The following SHANK1 variants were observed in gnomAD, a reference collection of about 807,000 sequenced individuals.
SHANK1 encodes the protein SH3 and multiple ankyrin repeat domains protein 1.
Under a neutral mutation model 165.6 loss-of-function variants are expected in SHANK1, and 35 were observed. The ratio of observed to expected loss-of-function variants is 0.21; its 90% CI spans 0.16 to 0.28. The LOEUF (loss-of-function observed/expected upper bound fraction) is 0.28, where lower values mean the gene tolerates loss of function less well. SHANK1 is among the 10% of genes least tolerant of loss of function. The pLI is 1.00. For missense variants in SHANK1, 2,681 were observed against 3,036.4 expected (o/e 0.88, Z 2.75); for synonymous variants, 1,428 against 1,384.8 (o/e 1.03, Z -0.69).
At chr19:50,676,232 G>A (rs1487004540) in intron 21 of SHANK1, among the ~76,000 whole-genome samples, 1 of 151,964 alleles carries the variant, frequency 6.6e-6, no homozygotes, top group African/African-American at 2.4e-5. Context: ...GAGCCCATGA[G>A]TTTGAGGCTG....
rs778038163 is a variant in SHANK1 at position 50,686,388 on chromosome 19, A to G, written c.2459-33T>C. On this transcript the variant is annotated intron_variant, in intron 20 of 23. Coordinates refer to ENST00000293441, the MANE Select transcript of SHANK1 (RefSeq NM_016148.5). This position sits in a 1 kb window ranked among gnomAD's most constrained non-coding sequence, Gnocchi z 5.7. ...TAGATGAATGAACAGAGGTGGGAAG[A>G]CAATGAAATGAAGTTTGCTTTGACC... 1.9e-5 allele frequency: 27 copies of G among 1,444,398 alleles called. No homozygotes were observed. In the South Asian group the frequency reaches 2.4e-4, roughly 13 times the overall value. The allele number at this position is 1,444,398 out of a possible 1,614,324, so 89.5% of individuals were successfully genotyped here. A position where few individuals can be genotyped will look rare whatever the true frequency, so the allele number is the denominator to read the frequency against.
rs556895841 is a variant in SHANK1 at position 50,713,684 on chromosome 19, G to A, written c.792+114C>T. 1.0e-5 allele frequency: 14 copies of A among 1,349,298 alleles called. No individual in the cohort carries two copies. The highest frequency in any genetic ancestry group is 7.6e-5 in the Admixed American group (4 of 52,832). 83.6% of individuals were successfully genotyped at this position (1,349,298 alleles called of 1,614,324 possible). On this transcript the variant is annotated intron_variant, in intron 6 of 23. Transcript: ENST00000293441. The surrounding 1 kb of genome is among the most constrained non-coding windows in gnomAD (Gnocchi z 6.2). ...GTCTATGGAAAGGGGCTTTGAACTG[G>A]GGACATGAGAGGGCCTATTTTTAAC...
chr19:50,697,451 G>T lies in SHANK1; in HGVS notation c.1937+138C>A. The stretch of plus-strand genomic sequence containing the variant: ...GCTGTACTGTCTGAAGCTAATTCTG[G>T]CTTATCCCACCCCTGGATCAAACTT... On this transcript the variant is annotated intron_variant, in intron 14 of 23. Transcript: ENST00000293441. This position sits in a 1 kb window ranked among gnomAD's most constrained non-coding sequence, Gnocchi z 4.7. 1.2e-6 allele frequency: 1 copy of T among 832,820 alleles called. No individual in the cohort carries two copies. Among genetic ancestry groups the T allele is most frequent in the Non-Finnish European group, 2.0e-6 (1 of 489,124 alleles). The allele number at this position is 832,820 out of a possible 1,614,324, so 51.6% of individuals were successfully genotyped here. A position where few individuals can be genotyped will look rare whatever the true frequency, so the allele number is the denominator to read the frequency against.
chr19:50,668,011 T>C lies in SHANK1; in HGVS notation c.3949A>G (p.Ser1317Gly), dbSNP rs753550210. The C allele has an allele frequency of 4.1e-6, 6 of 1,474,890 alleles. No individual in the cohort carries two copies. The South Asian group carries it at 6.4e-5, about 16-fold the overall frequency. 91.4% of individuals were successfully genotyped at this position (1,474,890 alleles called of 1,614,324 possible). Residue 1317 changes from serine (S) to glycine (G), a missense_variant, in exon 23 of 24, where the codon AGC becomes GGC. Coordinates refer to ENST00000293441, the MANE Select transcript of SHANK1 (RefSeq NM_016148.5). ...CCCCCGCCACCCCCGTAGGCTCGGC[T>C]ACCGGCCCCGTAGCCGCCGTAGCCC... is the stretch of plus-strand genomic sequence containing the variant. ...GAGYGGYGAG[S>G]RAYGGGGGSS... is the part of the protein sequence containing the mutation.
chr19:50,696,186 C>T (rs116257105), intron 15 of SHANK1, among the ~76,000 whole-genome samples: 360 of 152,294 alleles, frequency 2.4e-3, no homozygotes, highest in African/African-American at 7.4e-3. Context: ...GGACAAGTGA[C>T]CCCCACAGAC....
At chr19:50,704,375 G>A (rs1047941319) in intron 9 of SHANK1, 62 bp downstream of exon 9, 22 of 1,481,652 alleles carry the variant, frequency 1.5e-5, no homozygotes, top group Non-Finnish European at 2.1e-5. Context: ...TTATCCACTG[G>A]GTGTCACTGT....
At position 50,668,016 on chromosome 19, in the gene SHANK1, G is replaced by A. The variant is rs953580010; in HGVS notation, c.3944C>T (p.Ala1315Val). 33 of 1,475,684 alleles carry A rather than the reference G, an allele frequency of 2.2e-5. No individual in the cohort carries two copies. Among genetic ancestry groups the A allele is most frequent in the African/African-American group, 1.6e-4 (11 of 68,204 alleles). The allele number at this position is 1,475,684 out of a possible 1,614,324, so 91.4% of individuals were successfully genotyped here. Residue 1315 changes from alanine (A) to valine (V), a missense_variant, in exon 23 of 24, where the codon GCC becomes GTC. By Grantham distance (64) the Ala-to-Val change is moderately conservative (BLOSUM62 0). This residue lies in a region of SHANK1 where 1,713 missense variants were observed against 1,630.2 expected (regional missense o/e 1.05). Coordinates refer to ENST00000293441, the MANE Select transcript of SHANK1 (RefSeq NM_016148.5). ...GCCACCCCCGTAGGCTCGGCTACCG[G>A]CCCCGTAGCCGCCGTAGCCCGCGCC... ...GSGAGYGGYG[A>V]GSRAYGGGGG...
In SHANK1 at chr19:50,662,724, AG is replaced by A. The variant is rs769085671; in HGVS notation, c.5769-43del. On this transcript the variant is annotated intron_variant, in intron 23 of 23. Coordinates refer to ENST00000293441, the MANE Select transcript of SHANK1 (RefSeq NM_016148.5). This position sits in a 1 kb window ranked among gnomAD's most constrained non-coding sequence, Gnocchi z 7.7. The stretch of plus-strand genomic sequence containing the variant: ...GGGCAGTGGGGGAGGACAGGGATTT[AG>A]GGGGCAAGGGCAGGGGTGAGAAAGA... 1 of 1,313,344 alleles carries A rather than the reference AG, an allele frequency of 7.6e-7. No homozygotes were observed. Among genetic ancestry groups the A allele is most frequent in the Non-Finnish European group, 1.0e-6 (1 of 990,874 alleles). 81.4% of individuals were successfully genotyped at this position (1,313,344 alleles called of 1,614,324 possible). A position where few individuals can be genotyped will look rare whatever the true frequency, so the allele number is the denominator to read the frequency against.
intron 15 of SHANK1, among the ~76,000 whole-genome samples, chr19:50,693,117 C>T (rs1986594982): frequency 2.0e-5 from 3 of 151,756 alleles, no homozygotes; most frequent in East Asian, 1.9e-4. Flanking sequence ...CGACTCACTT[C>T]ACCACATGCC....
At position 50,670,669 on chromosome 19, in the gene SHANK1, C is replaced by T. The variant is rs1385472104; in HGVS notation, c.2674+1349G>A. On this transcript the variant is annotated intron_variant, in intron 22 of 23. Coordinates refer to ENST00000293441, the MANE Select transcript of SHANK1 (RefSeq NM_016148.5). This position sits in a 1 kb window ranked among gnomAD's most constrained non-coding sequence, Gnocchi z 4.1. ...TGGCCCCTGCTACACAGGCCTCCTC[C>T]CTGTTCTGTAAACGCACCAGACTCA... 6.6e-6 allele frequency among the ~76,000 whole-genome samples: 1 copy of T among 152,204 alleles called. No individual in the cohort carries two copies. The highest frequency in any genetic ancestry group is 1.5e-5 in the Non-Finnish European group (1 of 68,052).
Position 50,668,406 on chromosome 19 carries a change from G to A in SHANK1, c.3554C>T (p.Pro1185Leu). 1.5e-6 allele frequency: 2 copies of A among 1,320,516 alleles called. No individual in the cohort carries two copies. The highest frequency in any genetic ancestry group is 1.9e-6 in the Non-Finnish European group (2 of 1,032,922). 81.8% of individuals were successfully genotyped at this position (1,320,516 alleles called of 1,614,324 possible). A position where few individuals can be genotyped will look rare whatever the true frequency, so the allele number is the denominator to read the frequency against. ...SSTEAEPPTQ[P>L]EPTGGGGGGG... ...GCCGCCGCCGCCTCCCGTGGGCTCC[G>A]GCTGGGTGGGGGGCTCCGCCTCGGT... Residue 1185 changes from proline to leucine, a missense_variant, in exon 23 of 24, where the codon CCG becomes CTG. Physicochemically the swap from Pro to Leu is moderately conservative, Grantham distance 98. Around this residue, in one of 10 missense-constraint regions of SHANK1, gnomAD observed 1,713 missense variants for 1,630.2 expected, o/e 1.05. Coordinates refer to ENST00000293441, the MANE Select transcript of SHANK1 (RefSeq NM_016148.5).
At chr19:50,680,021 G>A (rs943727295) in intron 21 of SHANK1, among the ~76,000 whole-genome samples, 1 of 151,588 alleles carries the variant, frequency 6.6e-6, no homozygotes, top group Admixed American at 6.6e-5. Context: ...CAGAGATGAG[G>A]AGACAGAGAT....
At chr19:50,664,324 C>T (rs935682130) in intron 23 of SHANK1, among the ~76,000 whole-genome samples, 2 of 152,290 alleles carry the variant, frequency 1.3e-5, no homozygotes, top group South Asian at 4.1e-4. Flanking sequence ...TCTACTTTCT[C>T]TAGGACTAGA....
Position 50,666,213 on chromosome 19 carries a change from G to T in SHANK1, c.5747C>A (p.Thr1916Asn), listed in dbSNP as rs1167816527. 1.4e-5 allele frequency: 23 copies of T among 1,603,024 alleles called. No individual in the cohort carries two copies. Among genetic ancestry groups the T allele is most frequent in the Non-Finnish European group, 1.9e-5 (22 of 1,175,562 alleles). The change falls in exon 23 of 24, where the codon ACC becomes AAC. Residue 1916 changes from threonine to asparagine, a missense_variant. Around this residue, in one of 10 missense-constraint regions of SHANK1, gnomAD observed 1,713 missense variants for 1,630.2 expected, o/e 1.05. Coordinates refer to ENST00000293441, the MANE Select transcript of SHANK1 (RefSeq NM_016148.5). ...TTACCTCTGCCGCTGCAGGGAGGAG[G>T]TCCTCTCGGGGACATAGCTGGCTCC... is the stretch of plus-strand genomic sequence containing the variant. ...HGGASYVPERTSSLQRQRLSD... is the reference protein window; with the variant it reads ...HGGASYVPERNSSLQRQRLSD...
rs901171034 is a variant in SHANK1 at position 50,659,391 on chromosome 19, C to G, written c.*2574G>C. On this transcript the variant is annotated 3_prime_UTR_variant, in exon 24 of 24. Coordinates refer to ENST00000293441, the MANE Select transcript of SHANK1 (RefSeq NM_016148.5). ...GGAATGAACCCCCATGTTATAATCC[C>G]GCGTCCCTAATCTTCCTCCAGTCCC... The G allele has an allele frequency of 6.0e-6, 2 of 335,954 alleles. No individual in the cohort carries two copies. The highest frequency in any genetic ancestry group is 4.3e-5 in the African/African-American group (2 of 46,866). The allele number at this position is 335,954 out of a possible 1,614,324, so 20.8% of individuals were successfully genotyped here.
Position 50,702,182 on chromosome 19 carries a change from A to G in SHANK1, c.1747+285T>C, listed in dbSNP as rs527878018. On this transcript the variant is annotated intron_variant, in intron 12 of 23. Transcript: ENST00000293441. The surrounding 1 kb of genome is among the most constrained non-coding windows in gnomAD (Gnocchi z 5.3). ...ATGACCTCCCTCCCCAGAAAGGGCC[A>G]TCAGGAGTCTAATGAGACGATTTGG... is the stretch of plus-strand genomic sequence containing the variant. Among the ~76,000 whole-genome samples the G allele has an allele frequency of 5.3e-5, 8 of 152,194 alleles. No individual in the cohort carries two copies. The highest frequency in any genetic ancestry group is 1.9e-4 in the African/African-American group (8 of 41,534).
chr19:50,711,566 G>A, intron 7 of SHANK1, 79 bp from the exon 8 acceptor site: 4 of 1,009,742 alleles, frequency 4.0e-6, no homozygotes. Context: ...TCTATGACCT[G>A]TGCACTGGCC....
chr19:50,705,096 T>C (rs572010707), intron 8 of SHANK1, among the ~76,000 whole-genome samples: 4 of 151,492 alleles, frequency 2.6e-5, no homozygotes, highest in Non-Finnish European at 5.9e-5. Context: ...ATCCCAGCAC[T>C]TTGGAAGGCT....
Position 50,661,752 on chromosome 19 carries a change from C to T in SHANK1, c.*213G>A, listed in dbSNP as rs1319547495. On this transcript the variant is annotated 3_prime_UTR_variant, in exon 24 of 24. Coordinates refer to ENST00000293441, the MANE Select transcript of SHANK1 (RefSeq NM_016148.5). Reference sequence around the variant, plus strand: ...CCGCTCCCCGCTTCACACACACACACACACTCTTGTGTCAGCTGCCCCCCT... The same window carrying T: ...CCGCTCCCCGCTTCACACACACACATACACTCTTGTGTCAGCTGCCCCCCT... 3.4e-6 allele frequency: 2 copies of T among 595,074 alleles called. No homozygotes were observed. Among genetic ancestry groups the T allele is most frequent in the East Asian group, 5.6e-5 (2 of 35,440 alleles). 36.9% of individuals were successfully genotyped at this position (595,074 alleles called of 1,614,324 possible).
Sources: gnomAD v4.1 joint callset for allele counts (sites outside exome capture counted in the v4.1 genomes callset) on GRCh38, gnomAD v4.1.1 for gene constraint, gnomAD v4.1.1 regional missense constraint, Gnocchi (gnomAD v3.1) non-coding constraint, MANE v1.5 for transcripts, NCBI Gene and HGNC (gene_info 2026-07-23, HGNC 2026-07-21) for gene names.